The following HEATR5B variants were observed in gnomAD, a reference collection of about 807,000 sequenced individuals.
The protein encoded by HEATR5B is HEAT repeat containing 5B, also known as HEAT repeat-containing protein 5B.
A neutral mutation model predicts 224.1 loss-of-function variants in HEATR5B; 156 were observed. That is an observed-to-expected ratio of 0.70 (90% CI 0.61 to 0.80). The LOEUF (loss-of-function observed/expected upper bound fraction) is 0.80. Among genes scored for constraint, HEATR5B ranks in the 30% least tolerant of loss-of-function variants. HEATR5B has a pLI of 0.00. For synonymous variants in HEATR5B, 1,027 were observed against 893.0 expected (o/e 1.15, Z -2.68); for missense variants, 2,323 against 2,535.5 (o/e 0.92, Z 1.80).
intron 33 of HEATR5B, among the ~76,000 whole-genome samples, chr2:36,993,917 C>G (rs1572749971): frequency 6.6e-6 from 1 of 151,452 alleles, no homozygotes; most frequent in Non-Finnish European, 1.5e-5. Context: ...TTATGAAAGA[C>G]AAAGGCTGAG....
chr2:37,071,220 G>A (rs983755173), intron 6 of HEATR5B, among the ~76,000 whole-genome samples: 18 of 151,926 alleles, frequency 1.2e-4, no homozygotes, highest in Non-Finnish European at 2.9e-5. Context: ...GTGAAATAGG[G>A]TTTCACAGTT....
At chr2:37,005,498 A>C (rs1667352252) in intron 30 of HEATR5B, 134 bp downstream of exon 30, 1 of 796,910 alleles carries the variant, frequency 1.3e-6, no homozygotes, top group Non-Finnish European at 2.0e-6. Flanking sequence ...TGGGTGAATA[A>C]ATACAGGGAG....
At chr2:37,048,202 T>TG (rs550482620) in intron 18 of HEATR5B, among the ~76,000 whole-genome samples, 4,987 of 151,596 alleles carry the variant, frequency 0.033, 103 homozygotes, top group Non-Finnish European at 0.051. Context: ...TTTTTTTTTT[T>TG]GAGACAGAGT....
chr2:37,059,490 G>T (rs1427079617), intron 12 of HEATR5B, among the ~76,000 whole-genome samples: 2 of 111,218 alleles, frequency 1.8e-5, no homozygotes, highest in South Asian at 3.0e-4. Context: ...TTTTGAGAGA[G>T]TCTCACTCTG....
intron 34 of HEATR5B, among the ~76,000 whole-genome samples, chr2:36,989,996 G>C (rs1054418326): frequency 7.0e-6 from 1 of 143,684 alleles, no homozygotes; most frequent in Non-Finnish European, 1.5e-5. Flanking sequence ...CCACCTCCTG[G>C]GTTCAAGTGA....
intron 6 of HEATR5B, 114 bp downstream of exon 6, chr2:37,071,996 T>G: frequency 1.2e-6 from 1 of 866,070 alleles, no homozygotes; most frequent in South Asian, 2.4e-5. Context: ...GTTCTTTCAT[T>G]TTATGGAAAA....
At chr2:37,027,471 C>T (rs778996638) in intron 24 of HEATR5B, among the ~76,000 whole-genome samples, 5 of 152,128 alleles carry the variant, frequency 3.3e-5, no homozygotes, top group Non-Finnish European at 5.9e-5. Flanking sequence ...TTCAAAAATA[C>T]CTAATAGCAC....
rs1671738056 is a variant in HEATR5B, at chr2:37,068,856, T to G, written c.1002A>C (p.Val334=). The G allele has an allele frequency of 6.2e-7, 1 of 1,614,012 alleles. No homozygotes were observed. Among genetic ancestry groups the G allele is most frequent in the African/African-American group, 1.3e-5 (1 of 74,904 alleles). The change falls in exon 8 of 36, where the codon GTA becomes GTC. Residue 334 remains valine, a synonymous_variant. Transcript: ENST00000233099. ...CCCGAGGATGGGAAACCAGATCAAG[T>G]ACATGGGACAGGAACGTGGCAAAGC... ...ERSFATFLSH[V]LDLVSHPRAT... is the part of the protein sequence containing the mutation.
At chr2:37,015,872 T>A (rs1224727311) in intron 26 of HEATR5B, among the ~76,000 whole-genome samples, 1 of 152,014 alleles carries the variant, frequency 6.6e-6, no homozygotes, top group Non-Finnish European at 1.5e-5. Flanking sequence ...TTGTTAAATT[T>A]TTTTCAAGGA....
Position 37,019,895 on chromosome 2 carries a change from G to C in HEATR5B, c.4036-18C>G. ...GCTCCCACCTAGAAAAATAAATAAA[G>C]CATTTTATTTTTTACTTTTATTTTT... On this transcript the variant is annotated intron_variant, in intron 25 of 35. Transcript: ENST00000233099. The C allele has an allele frequency of 1.3e-6, 2 of 1,554,044 alleles. No individual in the cohort carries two copies. Among genetic ancestry groups the C allele is most frequent in the East Asian group, 2.2e-5 (1 of 44,568 alleles).
intron 17 of HEATR5B, among the ~76,000 whole-genome samples, chr2:37,052,076 T>C (rs919579737): frequency 6.6e-6 from 1 of 152,186 alleles, no homozygotes; most frequent in Non-Finnish European, 1.5e-5. Context: ...CCTATATATA[T>C]CCTTTTTCCC....
chr2:37,069,075 CT>C, intron 7 of HEATR5B, 145 bp from the exon 8 acceptor site: 1 of 801,218 alleles, frequency 1.2e-6, no homozygotes, highest in Non-Finnish European at 1.9e-6. Flanking sequence ...AACTTGAGGT[CT>C]TTTTACTACT....
chr2:37,002,781 A>G (rs371031608), intron 31 of HEATR5B, among the ~76,000 whole-genome samples: 8 of 152,186 alleles, frequency 5.3e-5, no homozygotes, highest in African/African-American at 1.4e-4. Context: ...TCACTTGGAA[A>G]ATCTTTATCA....
chr2:37,073,248 C>T (rs1672017439), intron 5 of HEATR5B, among the ~76,000 whole-genome samples: 1 of 152,190 alleles, frequency 6.6e-6, no homozygotes, highest in South Asian at 2.1e-4. Context: ...GATGATATAT[C>T]ATGACCAAGT....
chr2:37,038,927 A>T (rs1185481922), intron 20 of HEATR5B, among the ~76,000 whole-genome samples: 1 of 148,206 alleles, frequency 6.7e-6, no homozygotes, highest in Non-Finnish European at 1.5e-5. Flanking sequence ...GGGGAATCAC[A>T]TATTTTTCAA....
At chr2:37,047,175 C>T (rs1441217325) in intron 18 of HEATR5B, among the ~76,000 whole-genome samples, 2 of 148,266 alleles carry the variant, frequency 1.3e-5, no homozygotes, top group Non-Finnish European at 3.0e-5. Flanking sequence ...AGGATCCCAT[C>T]TCAAAAAAAA....
intron 8 of HEATR5B, 143 bp from the exon 9 acceptor site, chr2:37,066,053 G>C: frequency 1.5e-6 from 1 of 653,306 alleles, no homozygotes. Flanking sequence ...TAGAAAACTT[G>C]TAGAACTAAA....
chr2:37,064,652 C>A (rs1043600764), intron 10 of HEATR5B, 88 bp downstream of exon 10: 7 of 1,328,780 alleles, frequency 5.3e-6, no homozygotes, highest in South Asian at 1.3e-5. Context: ...GTTATTTGAC[C>A]ACCCTGTTCA....
At chr2:37,072,341 T>A in intron 5 of HEATR5B, 60 bp from the exon 6 acceptor site, 1 of 1,244,764 alleles carries the variant, frequency 8.0e-7, no homozygotes, top group Non-Finnish European at 1.1e-6. Flanking sequence ...AGAGATGGAA[T>A]AGCAAGAACC....
Sources: gnomAD v4.1 joint callset for allele counts (sites outside exome capture counted in the v4.1 genomes callset) on GRCh38, gnomAD v4.1.1 for gene constraint, MANE v1.5 for transcripts, NCBI Gene and HGNC (gene_info 2026-07-23, HGNC 2026-07-21) for gene names.